Variants in LINGO2 observed in about 807,000 individuals in gnomAD.
LINGO2 encodes the protein leucine-rich repeat and immunoglobulin-like domain-containing nogo receptor-interacting protein 2.
A neutral mutation model predicts 30.6 loss-of-function variants in LINGO2; 14 were observed. That is an observed-to-expected ratio of 0.46 (90% confidence interval 0.30 to 0.72). The LOEUF (loss-of-function observed/expected upper bound fraction) is 0.72, where lower values mean the gene tolerates loss of function less well. Ranked by LOEUF, LINGO2 falls within the 30% of genes least tolerant of loss-of-function variation. LINGO2 has a pLI of 0.07. For synonymous variants in LINGO2, 317 were observed against 288.5 expected (o/e 1.10, Z -1.00); for missense variants, 729 against 751.7 (o/e 0.97, Z 0.35).
the LINGO2 span, among the ~76,000 whole-genome samples, chr9:29,069,938 A>C: frequency 1.3e-5 from 2 of 152,082 alleles, no homozygotes; most frequent in Admixed American, 1.3e-4. Context: ...AAGAGCTCTA[A>C]AACAGCCAGG....
intron 5 of LINGO2, among the ~76,000 whole-genome samples, chr9:28,001,031 CCTT>C (rs1342696574): frequency 2.0e-5 from 3 of 152,212 alleles, no homozygotes; most frequent in South Asian, 2.1e-4. Context: ...ACAAATCAAT[CCTT>C]CTTATTTCTA....
At chr9:29,212,442 T>A in the LINGO2 span, among the ~76,000 whole-genome samples, 1 of 151,878 alleles carries the variant, frequency 6.6e-6, no homozygotes, top group Non-Finnish European at 1.5e-5. Flanking sequence ...AGCGGCAGCG[T>A]GGGCTTCGCG....
At chr9:28,938,925 A>G in the LINGO2 span, among the ~76,000 whole-genome samples, 1 of 152,242 alleles carries the variant, frequency 6.6e-6, no homozygotes, top group African/African-American at 2.4e-5. Context: ...TCACACGCAG[A>G]AATTGAACTA....
At chr9:28,433,949 C>CTCTCTCTATATATATATA (rs1225323260) in intron 2 of LINGO2, among the ~76,000 whole-genome samples, 83 of 88,516 alleles carry the variant, frequency 9.4e-4, no homozygotes, top group African/African-American at 3.4e-3. Context: ...CTCTCTCTCT[C>CTCTCTCTATATATATATA]TATATATATA....
At chr9:28,554,462 A>G (rs1032337406) in intron 1 of LINGO2, among the ~76,000 whole-genome samples, 2 of 145,924 alleles carry the variant, frequency 1.4e-5, no homozygotes, top group African/African-American at 2.6e-5. Flanking sequence ...TCCTAAATAT[A>G]TATGCACCCA....
rs1469026549 is a variant in LINGO2, at chr9:28,037,493, GCTC to G, written c.-86-25091_-86-25089del. ...CCTTTAAAAAAAAAGTCTTCTGAGA[GCTC>G]CTCAACAGTCTTAATTACTCGTTCC... On this transcript the variant is annotated intron_variant, in intron 4 of 5. Coordinates refer to ENST00000379992, the Ensembl canonical transcript of LINGO2. Among the ~76,000 whole-genome samples, 4 of 152,082 alleles carry G rather than the reference GCTC, an allele frequency of 2.6e-5. No homozygotes were observed. In the East Asian group the frequency reaches 5.8e-4, roughly 22 times the overall value.
chr9:28,567,710 G>C (rs1315932347), intron 1 of LINGO2, among the ~76,000 whole-genome samples: 1 of 151,856 alleles, frequency 6.6e-6, no homozygotes, highest in Non-Finnish European at 1.5e-5. Flanking sequence ...GTTCCTATTT[G>C]GGTGACGGGT....
chr9:28,570,882 C>T (rs990120815), intron 1 of LINGO2, among the ~76,000 whole-genome samples: 1 of 151,788 alleles, frequency 6.6e-6, no homozygotes, highest in Non-Finnish European at 1.5e-5. Context: ...ATTGTATTCA[C>T]TATCAAGTAG....
chr9:28,508,834 T>G (rs1820256254), intron 1 of LINGO2, among the ~76,000 whole-genome samples: 1 of 152,104 alleles, frequency 6.6e-6, no homozygotes, highest in Non-Finnish European at 1.5e-5. Flanking sequence ...TTTGATGATT[T>G]ACTACACATA....
the LINGO2 span, among the ~76,000 whole-genome samples, chr9:28,993,168 A>G: frequency 6.6e-6 from 1 of 152,300 alleles, no homozygotes; most frequent in South Asian, 2.1e-4. Flanking sequence ...ACACAATAAA[A>G]AATGATAAAG....
chr9:28,022,100 C>G (rs756561037), intron 4 of LINGO2, among the ~76,000 whole-genome samples: 1 of 152,002 alleles, frequency 6.6e-6, no homozygotes, highest in Admixed American at 6.6e-5. Flanking sequence ...TTTAGCTCCT[C>G]TTTTGGAATA....
rs528888860 is a variant in LINGO2 at position 28,023,046 on chromosome 9, TATTA to T, written c.-86-10645_-86-10642del. Among the ~76,000 whole-genome samples the T allele has an allele frequency of 8.5e-5, 13 of 152,242 alleles. No homozygotes were observed. In the East Asian group the frequency reaches 1.9e-3, roughly 23 times the overall value. On this transcript the variant is annotated intron_variant, in intron 4 of 5. Coordinates refer to ENST00000379992, the Ensembl canonical transcript of LINGO2. Reference sequence around the variant, plus strand: ...TCAGAGTTTTCCATATCTCTGATTATATTAATCATGTGTTATTGTGTATTTTCTA... The same window carrying T: ...TCAGAGTTTTCCATATCTCTGATTATATCATGTGTTATTGTGTATTTTCTA...
At chr9:29,133,308 G>A in the LINGO2 span, among the ~76,000 whole-genome samples, 1 of 152,156 alleles carries the variant, frequency 6.6e-6, no homozygotes, top group Non-Finnish European at 1.5e-5. Context: ...GGATTGGGAT[G>A]CTATACTACT....
the LINGO2 span, among the ~76,000 whole-genome samples, chr9:28,932,661 T>TA: frequency 0.041 from 6,254 of 152,222 alleles, 197 homozygotes; most frequent in Admixed American, 0.082. Flanking sequence ...ACTAAGCCTG[T>TA]GCCTCCTCCT....
At chr9:28,720,188 T>C in the LINGO2 span, among the ~76,000 whole-genome samples, 4 of 152,188 alleles carry the variant, frequency 2.6e-5, no homozygotes, top group Admixed American at 2.0e-4. Context: ...TAAAGTCTTG[T>C]TTCATGTATC....
At chr9:28,793,782 T>G in the LINGO2 span, among the ~76,000 whole-genome samples, 11 of 152,134 alleles carry the variant, frequency 7.2e-5, no homozygotes. Context: ...CCCTGGAGCT[T>G]GTTAAAAAAG....
chr9:28,356,845 T>C (rs1820228226), intron 3 of LINGO2, among the ~76,000 whole-genome samples: 1 of 152,070 alleles, frequency 6.6e-6, no homozygotes, highest in African/African-American at 2.4e-5. Flanking sequence ...TTCTAACCTC[T>C]GGAGAGATAC....
At chr9:28,946,365 T>C in the LINGO2 span, among the ~76,000 whole-genome samples, 16 of 152,120 alleles carry the variant, frequency 1.1e-4, no homozygotes, top group Admixed American at 9.8e-4. Context: ...AATTTGGAAA[T>C]GTTTGGTTAG....
chr9:28,699,498 T>C, the LINGO2 span, among the ~76,000 whole-genome samples: 2 of 152,050 alleles, frequency 1.3e-5, no homozygotes, highest in African/African-American at 4.8e-5. Context: ...ACTGTACAAA[T>C]TGATTGTAAA....
Sources: gnomAD v4.1 joint callset for allele counts (sites outside exome capture counted in the v4.1 genomes callset) on GRCh38, gnomAD v4.1.1 for gene constraint, MANE v1.5 for transcripts, NCBI Gene and HGNC (gene_info 2026-07-23, HGNC 2026-07-21) for gene names.